B4GALT4: variants seen among roughly 807,000 people sequenced by gnomAD.
B4GALT4 encodes N-acetyllactosamine synthase.
B4GALT4 carries 27 observed loss-of-function variants against 37.3 expected under a neutral mutation model. That is an observed-to-expected ratio of 0.72 (90% confidence interval 0.53 to 1.00). B4GALT4 has a LOEUF of 1.00. Ranked by LOEUF, B4GALT4 falls within the 50% of genes least tolerant of loss-of-function variation. B4GALT4 has a pLI of 0.00. For missense variants in B4GALT4, 372 were observed against 413.1 expected, an observed-to-expected ratio of 0.90 and a Z score of 0.86; for synonymous variants, 148 against 154.1, an observed-to-expected ratio of 0.96 and a Z score of 0.29.
rs936218834 is a variant in B4GALT4 at position 119,212,008 on chromosome 3, T to C, written c.*541A>G. 13 of 608,396 alleles carry C rather than the reference T, an allele frequency of 2.1e-5. No individual in the cohort carries two copies. The highest frequency in any genetic ancestry group is 2.9e-5 in the Non-Finnish European group (10 of 339,562). The allele number at this position is 608,396 out of a possible 1,614,324, so 37.7% of individuals were successfully genotyped here. A position where few individuals can be genotyped will look rare whatever the true frequency, so the allele number is the denominator to read the frequency against. On this transcript the variant is annotated 3_prime_UTR_variant, in exon 8 of 8. Transcript: ENST00000393765. ...ACTCCACCCTCCTGCTACCTCTTCA[T>C]TCCCAAGTTCACTGTGTCCTGATTC...
chr3:119,223,989 G>A lies in B4GALT4; in HGVS notation c.674+69C>T, dbSNP rs1361790522. On this transcript the variant is annotated intron_variant, in intron 5 of 7. Coordinates refer to ENST00000393765, the MANE Select transcript of B4GALT4 (RefSeq NM_003778.4). ...TTTTCTTATGACACTCTGGATGCTT[G>A]TTCCACCCAGTCTTGATCACAATAG... 7 of 1,415,600 alleles carry A rather than the reference G, an allele frequency of 4.9e-6. No individual in the cohort carries two copies. The East Asian group carries it at 1.3e-4, about 25-fold the overall frequency. The allele number at this position is 1,415,600 out of a possible 1,614,324, so 87.7% of individuals were successfully genotyped here.
At chr3:119,226,679 G>A (rs527541689) in intron 4 of B4GALT4, 130 bp downstream of exon 4, 1 of 742,350 alleles carries the variant, frequency 1.3e-6, no homozygotes, top group Middle Eastern at 4.0e-4. Flanking sequence ...AAGGATAAAT[G>A]AGGTAAGAGA....
chr3:119,236,394 T>C (rs943582084), intron 2 of B4GALT4: 10 of 152,154 alleles, frequency 6.6e-5, no homozygotes, highest in African/African-American at 2.4e-4. Context: ...ATCAATGTAG[T>C]ATGGTTATGT....
chr3:119,222,984 C>G (rs1243438551), intron 5 of B4GALT4, among the ~76,000 whole-genome samples: 1 of 152,212 alleles, frequency 6.6e-6, no homozygotes, highest in East Asian at 1.9e-4. Context: ...GAGAGCAACA[C>G]AGAAGCCCAG....
Position 119,222,708 on chromosome 3 carries a change from T to G in B4GALT4, c.674+1350A>C, listed in dbSNP as rs138939226. On this transcript the variant is annotated intron_variant, in intron 5 of 7. Coordinates refer to ENST00000393765, the MANE Select transcript of B4GALT4 (RefSeq NM_003778.4). ...TGAACTATTGCATTTTCCCCAAAAC[T>G]GCGCTGTGCTCTCTGGCATGTCTTG... is the stretch of plus-strand genomic sequence containing the variant. Among the ~76,000 whole-genome samples the G allele has an allele frequency of 7.9e-5, 12 of 152,350 alleles. No individual in the cohort carries two copies. In the East Asian group the frequency reaches 1.9e-3, roughly 24 times the overall value.
rs1288188398 is a variant in B4GALT4 at position 119,218,777 on chromosome 3, A to G, written c.675-5T>C. 6.2e-7 allele frequency: 1 copy of G among 1,614,022 alleles called. No homozygotes were observed. The highest frequency in any genetic ancestry group is 1.1e-5 in the South Asian group (1 of 91,048). The stretch of plus-strand genomic sequence containing the variant: ...AAATATCCACTGTAACGTAACCTGG[A>G]GCAAAAGAGATGAGAGAAATGGTAA... On this transcript the variant is annotated splice_polypyrimidine_tract_variant and splice_region_variant and intron_variant, in intron 5 of 7. Coordinates refer to ENST00000393765, the MANE Select transcript of B4GALT4 (RefSeq NM_003778.4).
chr3:119,212,602 C>G lies in B4GALT4; in HGVS notation c.982G>C (p.Glu328Gln). ...SSCSYKLVSV[E>Q]HNPLYINITV... ...ATGTTGATATATAAAGGATTGTGTT[C>G]CACAGATACTAATTTATAAGAACAA... The change falls in exon 8 of 8, where the codon GAA becomes CAA. Residue 328 changes from glutamate to glutamine, a missense_variant. By Grantham distance (29) the Glu-to-Gln change is conservative (BLOSUM62 2). Coordinates refer to ENST00000393765, the MANE Select transcript of B4GALT4 (RefSeq NM_003778.4). 2 of 1,613,272 alleles carry G rather than the reference C, an allele frequency of 1.2e-6. No homozygotes were observed.
rs981698407 is a variant in B4GALT4 at position 119,212,884 on chromosome 3, C to G, written c.903-203G>C. On this transcript the variant is annotated intron_variant, in intron 7 of 7. Coordinates refer to ENST00000393765, the MANE Select transcript of B4GALT4 (RefSeq NM_003778.4). ...CATGTGTCAGACTCCACGTGAGAAC[C>G]CGGGGACCCATGATGAAAAGTGTCA... 1.4e-5 allele frequency: 7 copies of G among 516,600 alleles called. 1 individual carries two copies. The highest frequency in any genetic ancestry group is 5.6e-5 in the South Asian group (2 of 35,696). The allele number at this position is 516,600 out of a possible 1,614,324, so 32.0% of individuals were successfully genotyped here. A position where few individuals can be genotyped will look rare whatever the true frequency, so the allele number is the denominator to read the frequency against.
chr3:119,232,095 A>T (rs1371359867), intron 2 of B4GALT4, among the ~76,000 whole-genome samples: 1 of 152,136 alleles, frequency 6.6e-6, no homozygotes, highest in Non-Finnish European at 1.5e-5. Flanking sequence ...AGTTTGAAGG[A>T]AACCTAGAAA....
intron 5 of B4GALT4, among the ~76,000 whole-genome samples, chr3:119,219,887 A>G (rs574263610): frequency 1.3e-5 from 2 of 152,368 alleles, no homozygotes; most frequent in South Asian, 4.1e-4. Context: ...AAAGATGTGA[A>G]TATCTAGAGA....
intron 1 of B4GALT4, 130 bp from the exon 2 acceptor site, chr3:119,237,200 G>C (rs2079009570): frequency 6.6e-6 from 1 of 152,214 alleles, no homozygotes; most frequent in African/African-American, 2.4e-5. Context: ...ACTTTCAGCT[G>C]TCCCTAAGAA....
At chr3:119,225,011 A>C (rs1279267460) in intron 4 of B4GALT4, among the ~76,000 whole-genome samples, 1 of 152,066 alleles carries the variant, frequency 6.6e-6, no homozygotes. Context: ...TAAGAGACTT[A>C]GTTAATAGCT....
At chr3:119,230,744 A>C (rs567360964) in intron 2 of B4GALT4, among the ~76,000 whole-genome samples, 1 of 152,342 alleles carries the variant, frequency 6.6e-6, no homozygotes, top group South Asian at 2.1e-4. Flanking sequence ...ACAGGGAATG[A>C]ATGCTATATT....
At chr3:119,216,952 T>C (rs1395493793) in intron 6 of B4GALT4, among the ~76,000 whole-genome samples, 1 of 152,276 alleles carries the variant, frequency 6.6e-6, no homozygotes, top group African/African-American at 2.4e-5. Context: ...CTCTGCAATG[T>C]ATTATATGTA....
intron 6 of B4GALT4, among the ~76,000 whole-genome samples, chr3:119,218,437 G>A (rs1436999134): frequency 6.6e-6 from 1 of 152,068 alleles, no homozygotes; most frequent in African/African-American, 2.4e-5. Context: ...AACACTTCTG[G>A]ACCCCAAATG....
intron 6 of B4GALT4, among the ~76,000 whole-genome samples, chr3:119,216,876 G>A: frequency 6.6e-6 from 1 of 152,196 alleles, no homozygotes. Context: ...TCTGTAAAAT[G>A]GCAATGGTGA....
chr3:119,216,287 T>C lies in B4GALT4; in HGVS notation c.855A>G (p.Thr285=), dbSNP rs761776282. The part of the protein sequence containing the change: ...SRPLPEVGKY[T]MVFHTRDKGN... ...CTTTGTCTCTAGTGTGGAAGACCAT[T>C]GTATATTTACCCACTTCAGGCAGGG... The change falls in exon 7 of 8, where the codon ACA becomes ACG. Residue 285 remains threonine (T), a synonymous_variant. Coordinates refer to ENST00000393765, the MANE Select transcript of B4GALT4 (RefSeq NM_003778.4). The C allele has an allele frequency of 2.5e-6, 4 of 1,613,940 alleles. No individual in the cohort carries two copies. The highest frequency in any genetic ancestry group is 1.7e-5 in the Admixed American group (1 of 60,000).
intron 4 of B4GALT4, 108 bp from the exon 5 acceptor site, chr3:119,224,353 CG>C: frequency 2.9e-6 from 2 of 683,848 alleles, no homozygotes; most frequent in Non-Finnish European, 4.4e-6. Context: ...ATTCTACGCA[CG>C]AGACTACACT....
intron 5 of B4GALT4, among the ~76,000 whole-genome samples, chr3:119,219,149 G>C (rs1484419038): frequency 6.6e-6 from 1 of 152,172 alleles, no homozygotes; most frequent in Non-Finnish European, 1.5e-5. Flanking sequence ...GGATTCTGAG[G>C]CTGCATCCGG....
Sources: allele counts gnomAD v4.1 joint callset (sites outside exome capture counted in the v4.1 genomes callset), GRCh38; gene constraint gnomAD v4.1.1; transcripts MANE v1.5; gene names NCBI Gene and HGNC (gene_info 2026-07-23, HGNC 2026-07-21).